Variants in SCHIP1 observed in about 807,000 individuals in gnomAD.
SCHIP1 encodes the protein schwannomin interacting protein 1.
A neutral mutation model predicts 29.7 loss-of-function variants in SCHIP1; 8 were observed. The ratio of observed to expected loss-of-function variants is 0.27; its 90% CI spans 0.16 to 0.49. SCHIP1 has a LOEUF of 0.49. SCHIP1 is among the 20% of genes least tolerant of loss of function. The pLI, the probability that SCHIP1 is intolerant of heterozygous loss-of-function variation, is 0.99. For missense variants in SCHIP1, 193 were observed against 294.6 expected (o/e 0.66, Z 2.52); for synonymous variants, 76 against 94.9 (o/e 0.80, Z 1.16).
intron 2 of SCHIP1, among the ~76,000 whole-genome samples, chr3:159,879,362 A>T (rs931495255): frequency 2.1e-4 from 32 of 151,736 alleles, no homozygotes; most frequent in African/African-American, 7.0e-4. Context: ...GGACTTTCCT[A>T]AAGTATCAGT....
the SCHIP1 span, among the ~76,000 whole-genome samples, chr3:159,801,182 A>C: frequency 6.6e-6 from 1 of 152,216 alleles, no homozygotes; most frequent in Admixed American, 6.5e-5. Flanking sequence ...AGCTATATAC[A>C]AAAGTAAGTT....
chr3:159,305,331 C>T, the SCHIP1 span, among the ~76,000 whole-genome samples: 1 of 152,214 alleles, frequency 6.6e-6, no homozygotes, highest in African/African-American at 2.4e-5. Flanking sequence ...TATTCTTCAG[C>T]TCTTGGCTCT....
the SCHIP1 span, among the ~76,000 whole-genome samples, chr3:159,463,572 C>T: frequency 6.6e-6 from 1 of 152,010 alleles, no homozygotes; most frequent in African/African-American, 2.4e-5. Context: ...TCCAAAGCAC[C>T]TCTTAGGCAT....
the SCHIP1 span, among the ~76,000 whole-genome samples, chr3:159,362,764 G>A: frequency 1.3e-5 from 2 of 152,172 alleles, no homozygotes; most frequent in Non-Finnish European, 2.9e-5. Flanking sequence ...GAGGGATCAT[G>A]ACCTTTGTGC....
the SCHIP1 span, among the ~76,000 whole-genome samples, chr3:159,442,894 G>A: frequency 2.7e-4 from 41 of 152,302 alleles, no homozygotes; most frequent in East Asian, 7.5e-3. Flanking sequence ...TTCATTTGAT[G>A]AGAATATTAT....
chr3:159,424,710 G>A, the SCHIP1 span, among the ~76,000 whole-genome samples: 3 of 152,104 alleles, frequency 2.0e-5, no homozygotes, highest in African/African-American at 7.2e-5. Context: ...GATACTCCTC[G>A]AGAAGAGCAA....
the SCHIP1 span, among the ~76,000 whole-genome samples, chr3:159,450,771 A>G: frequency 2.6e-5 from 4 of 151,968 alleles, no homozygotes; most frequent in African/African-American, 9.7e-5. Context: ...GACATTTGAA[A>G]ATGTTCAAAA....
At chr3:159,316,405 G>T in the SCHIP1 span, among the ~76,000 whole-genome samples, 16 of 152,040 alleles carry the variant, frequency 1.1e-4, no homozygotes, top group Non-Finnish European at 2.2e-4. Flanking sequence ...ACATTTTTCC[G>T]CCTGCTTATA....
At chr3:159,799,070 CA>C in the SCHIP1 span, among the ~76,000 whole-genome samples, 1 of 152,156 alleles carries the variant, frequency 6.6e-6, no homozygotes, top group African/African-American at 2.4e-5. Flanking sequence ...AGACACTGAA[CA>C]GGGCAATTAT....
chr3:159,682,072 A>T, the SCHIP1 span, among the ~76,000 whole-genome samples: 1 of 152,290 alleles, frequency 6.6e-6, no homozygotes, highest in Admixed American at 6.5e-5. Context: ...TGCAGGAGGG[A>T]TGATAAGGGA....
At chr3:159,634,204 CAG>C in the SCHIP1 span, among the ~76,000 whole-genome samples, 20 of 151,900 alleles carry the variant, frequency 1.3e-4, no homozygotes, top group Non-Finnish European at 2.6e-4. Context: ...GTTAGAAATG[CAG>C]AGAGAGTGTA....
At chr3:159,711,868 G>C in the SCHIP1 span, among the ~76,000 whole-genome samples, 1 of 152,200 alleles carries the variant, frequency 6.6e-6, no homozygotes, top group Non-Finnish European at 1.5e-5. Flanking sequence ...CTCTGCCTGA[G>C]TCAGAGGACC....
At chr3:159,303,170 G>A in the SCHIP1 span, among the ~76,000 whole-genome samples, 1 of 152,056 alleles carries the variant, frequency 6.6e-6, no homozygotes, top group Non-Finnish European at 1.5e-5. Flanking sequence ...GGCAGAGATG[G>A]GAGCACTGGG....
chr3:159,720,088 C>T, the SCHIP1 span, among the ~76,000 whole-genome samples: 6 of 152,056 alleles, frequency 3.9e-5, no homozygotes, highest in Non-Finnish European at 7.4e-5. Context: ...GGGACATTGA[C>T]GAAGCTGGAA....
the SCHIP1 span, among the ~76,000 whole-genome samples, chr3:159,277,930 A>AG: frequency 1.3e-5 from 2 of 151,936 alleles, no homozygotes; most frequent in South Asian, 4.2e-4. Flanking sequence ...AAAAAAAAAA[A>AG]GGATGGAGCT....
chr3:159,644,303 T>C, the SCHIP1 span, among the ~76,000 whole-genome samples: 1 of 152,164 alleles, frequency 6.6e-6, no homozygotes, highest in Non-Finnish European at 1.5e-5. Context: ...CTATTAAATT[T>C]CATTTTGCTT....
At chr3:159,466,891 T>C in the SCHIP1 span, among the ~76,000 whole-genome samples, 1 of 152,164 alleles carries the variant, frequency 6.6e-6, no homozygotes, top group African/African-American at 2.4e-5. Flanking sequence ...AAGTATCTTT[T>C]CAACTATTTC....
At chr3:159,286,418 G>C in the SCHIP1 span, among the ~76,000 whole-genome samples, 6 of 152,090 alleles carry the variant, frequency 3.9e-5, no homozygotes, top group African/African-American at 1.4e-4. Flanking sequence ...TCTTTTTGTG[G>C]CTGTTTAGTA....
At chr3:159,474,755 AAC>A in the SCHIP1 span, among the ~76,000 whole-genome samples, 1 of 152,108 alleles carries the variant, frequency 6.6e-6, no homozygotes, top group East Asian at 1.9e-4. Context: ...AGCCAAACAA[AAC>A]ACATTCCCTG....
Sources: gnomAD v4.1 joint callset for allele counts (sites outside exome capture counted in the v4.1 genomes callset) on GRCh38, gnomAD v4.1.1 for gene constraint, MANE v1.5 for transcripts, NCBI Gene and HGNC (gene_info 2026-07-23, HGNC 2026-07-21) for gene names.